SLIT1: variants seen among roughly 807,000 people sequenced by gnomAD.
SLIT1 encodes the protein slit guidance ligand 1, also known as slit homolog 1 protein.
In SLIT1, 66 loss-of-function variants were observed where a neutral mutation model predicts 186.1. That is an observed-to-expected ratio of 0.35 (90% CI 0.29 to 0.44). The LOEUF (loss-of-function observed/expected upper bound fraction) is 0.44. Ranked by LOEUF, SLIT1 falls within the 20% of genes least tolerant of loss-of-function variation. The probability of loss-of-function intolerance (pLI) is 1.00; values close to 1 mark genes in which losing one functional copy is unlikely to be tolerated. For synonymous variants in SLIT1, 761 were observed against 833.8 expected (o/e 0.91, Z 1.50); for missense variants, 1,638 against 2,037.4 (o/e 0.80, Z 3.77).
rs149139687 is a variant in SLIT1, at chr10:97,087,693, G to C, written c.414-21607C>G. On this transcript the variant is annotated intron_variant, in intron 4 of 36. Coordinates refer to ENST00000266058, the MANE Select transcript of SLIT1 (RefSeq NM_003061.3). ...CTCGGCTCCTGTCCTGAGTATCTAG[G>C]GGGTAGTAACATCCCTAGATCTGAT... Among the ~76,000 whole-genome samples the C allele has an allele frequency of 7.9e-3, 1,200 of 152,182 alleles. 15 individuals carry two copies. The highest frequency in any genetic ancestry group is 0.028 in the African/African-American group (1,161 of 41,518).
chr10:97,008,203 CA>C (rs1382122770), intron 31 of SLIT1, among the ~76,000 whole-genome samples: 1 of 151,930 alleles, frequency 6.6e-6, no homozygotes, highest in African/African-American at 2.4e-5. Context: ...GATTAATGCA[CA>C]AAAATCAAAC....
At chr10:97,180,654 C>T (rs1850323923) in intron 1 of SLIT1, among the ~76,000 whole-genome samples, 1 of 152,182 alleles carries the variant, frequency 6.6e-6, no homozygotes, top group Non-Finnish European at 1.5e-5. Flanking sequence ...GCTTCACAGC[C>T]CTCCCATCAC....
rs147715215 is a variant in SLIT1, at chr10:97,049,714, G to A, written c.1302-596C>T. Among the ~76,000 whole-genome samples the A allele has an allele frequency of 2.3e-3, 350 of 152,330 alleles. 3 individuals are homozygous for A. The highest frequency in any genetic ancestry group is 3.2e-3 in the Non-Finnish European group (216 of 68,030). On this transcript the variant is annotated intron_variant, in intron 13 of 36. Coordinates refer to ENST00000266058, the MANE Select transcript of SLIT1 (RefSeq NM_003061.3). ...CAGGGAGTCACCATCCCCACCCCAGGCCACAGGAGTGACCTCTCCTTGACC... is the reference window on the plus strand; with the variant it reads ...CAGGGAGTCACCATCCCCACCCCAGACCACAGGAGTGACCTCTCCTTGACC...
chr10:97,029,768 C>T (rs1439009787), intron 25 of SLIT1, among the ~76,000 whole-genome samples: 2 of 152,196 alleles, frequency 1.3e-5, no homozygotes, highest in African/African-American at 4.8e-5. Context: ...ACTCTGTGCT[C>T]ATTAAACACC....
chr10:97,138,626 G>A (rs1299593190), intron 4 of SLIT1, among the ~76,000 whole-genome samples: 3 of 148,140 alleles, frequency 2.0e-5, no homozygotes, highest in East Asian at 2.0e-4. Flanking sequence ...TCCTATAAAC[G>A]CAGTTGTGAT....
At position 97,164,822 on chromosome 10, in the gene SLIT1, A is replaced by G. The variant is rs1324338133; in HGVS notation, c.266T>C (p.Val89Ala). ...GGAGGGAGCACCCCATACTCACAGC[A>G]CCCGCAGCTGCTTGAGCCCCGCAAA... ...NDFAGLKQLR[V>A]LQLMENQIGA... The change falls in exon 2 of 37, where the codon GTG becomes GCG. Residue 89 changes from valine (V) to alanine (A), a missense_variant. Val to Ala is a moderately conservative substitution (Grantham distance 64). Around this residue, in one of 3 missense-constraint regions of SLIT1, gnomAD observed 1,245 missense variants for 1,535.3 expected, o/e 0.81. Coordinates refer to ENST00000266058, the MANE Select transcript of SLIT1 (RefSeq NM_003061.3). 1.2e-5 allele frequency: 19 copies of G among 1,612,130 alleles called. No individual in the cohort carries two copies. The highest frequency in any genetic ancestry group is 1.6e-5 in the Non-Finnish European group (19 of 1,178,590).
intron 4 of SLIT1, among the ~76,000 whole-genome samples, chr10:97,099,353 G>A (rs977090244): frequency 2.6e-5 from 4 of 152,156 alleles, no homozygotes; most frequent in African/African-American, 4.8e-5. Flanking sequence ...GCCTCAGGTC[G>A]GCCACCCAGA....
At chr10:97,040,745 C>G (rs7094202) in intron 20 of SLIT1, among the ~76,000 whole-genome samples, 16,883 of 152,186 alleles carry the variant, frequency 0.11, 1,037 homozygotes, top group African/African-American at 0.17. Context: ...AAAATCCGAG[C>G]CCTCGATACC....
intron 4 of SLIT1, among the ~76,000 whole-genome samples, chr10:97,076,851 G>C (rs938286484): frequency 1.3e-5 from 2 of 152,220 alleles, no homozygotes; most frequent in Admixed American, 6.5e-5. Flanking sequence ...GGGCCAGGGT[G>C]CAAAGCAGAC....
chr10:97,008,582 G>C (rs11188986), intron 31 of SLIT1, among the ~76,000 whole-genome samples: 2 of 151,934 alleles, frequency 1.3e-5, no homozygotes, highest in Admixed American at 1.3e-4. Flanking sequence ...TATAATCCCA[G>C]CTACTCTGGA....
chr10:97,127,180 A>G (rs1849610904), intron 4 of SLIT1, among the ~76,000 whole-genome samples: 1 of 151,914 alleles, frequency 6.6e-6, no homozygotes, highest in Non-Finnish European at 1.5e-5. Context: ...CTGTAATCCC[A>G]GCTACTGAGG....
intron 8 of SLIT1, 131 bp downstream of exon 8, chr10:97,063,324 T>C (rs1848910754): frequency 1.1e-6 from 1 of 914,380 alleles, no homozygotes; most frequent in Non-Finnish European, 1.7e-6. Flanking sequence ...AGGTGATGGG[T>C]GGGGCCAGGT....
chr10:97,123,921 G>C (rs1266048483), intron 4 of SLIT1, among the ~76,000 whole-genome samples: 4 of 152,084 alleles, frequency 2.6e-5, no homozygotes. Flanking sequence ...CTCTCAAGCA[G>C]AGGGACCAGC....
chr10:97,062,745 G>A (rs1259609008), intron 8 of SLIT1, among the ~76,000 whole-genome samples: 1 of 152,236 alleles, frequency 6.6e-6, no homozygotes, highest in East Asian at 1.9e-4. Context: ...GGCAGCGGTG[G>A]CCCTGGCCAA....
intron 4 of SLIT1, among the ~76,000 whole-genome samples, chr10:97,139,482 T>C (rs1429178646): frequency 6.6e-6 from 1 of 152,186 alleles, no homozygotes; most frequent in Non-Finnish European, 1.5e-5. Context: ...TTGTTTTGGT[T>C]TCTAAGAGAA....
intron 4 of SLIT1, among the ~76,000 whole-genome samples, chr10:97,069,349 A>G (rs967583607): frequency 6.6e-6 from 1 of 152,244 alleles, no homozygotes; most frequent in African/African-American, 2.4e-5. Context: ...CCACAGGTGC[A>G]TGGTCCACCC....
At chr10:97,060,020 T>C in intron 10 of SLIT1, 67 bp downstream of exon 10, 2 of 1,368,096 alleles carry the variant, frequency 1.5e-6, no homozygotes, top group South Asian at 2.3e-5. Context: ...GCCCCAGGGC[T>C]GTGGGACCAC....
At position 97,004,077 on chromosome 10, in the gene SLIT1, A is replaced by G; in HGVS notation, c.3856T>C (p.Tyr1286His). Residue 1286 changes from tyrosine to histidine, a missense_variant, in exon 34 of 37, where the codon TAT becomes CAT. Transcript: ENST00000266058. The surrounding 1 kb of genome is among the most constrained non-coding windows in gnomAD (Gnocchi z 5.1). ...AGGGCCAGGTCCTCACCTCCCACAT[A>G]GAGTGGCGCCTCGCTGTTGAGCGTG... ...HYTLNSEAPL[Y>H]VGGMPVDVNS... 1 of 1,609,774 alleles carries G rather than the reference A, an allele frequency of 6.2e-7. No homozygotes were observed. The highest frequency in any genetic ancestry group is 2.2e-5 in the East Asian group (1 of 44,730).
At chr10:97,106,786 C>T (rs1849419809) in intron 4 of SLIT1, among the ~76,000 whole-genome samples, 1 of 152,156 alleles carries the variant, frequency 6.6e-6, no homozygotes, top group Non-Finnish European at 1.5e-5. Flanking sequence ...CCAGAGAGGG[C>T]TGTGCTGGCA....
Sources: gnomAD v4.1 joint callset for allele counts (sites outside exome capture counted in the v4.1 genomes callset) on GRCh38, gnomAD v4.1.1 for gene constraint, gnomAD v4.1.1 regional missense constraint, Gnocchi (gnomAD v3.1) non-coding constraint, MANE v1.5 for transcripts, NCBI Gene and HGNC (gene_info 2026-07-23, HGNC 2026-07-21) for gene names.